SDC2: variants seen among roughly 807,000 people sequenced by gnomAD.
SDC2 encodes the protein syndecan-2.
A neutral mutation model predicts 22.2 loss-of-function variants in SDC2; 13 were observed. That is an observed-to-expected ratio of 0.59 (90% confidence interval 0.38 to 0.93). SDC2 has a LOEUF of 0.93. Ranked by LOEUF, SDC2 falls within the 40% of genes least tolerant of loss-of-function variation. SDC2 has a pLI of 0.00. For synonymous variants in SDC2, 94 were observed against 92.8 expected, an observed-to-expected ratio of 1.01 and a Z score of -0.07; for missense variants, 235 against 246.8, an observed-to-expected ratio of 0.95 and a Z score of 0.32.
chr8:96,516,074 A>T (rs1458593844), intron 1 of SDC2, among the ~76,000 whole-genome samples: 2 of 152,158 alleles, frequency 1.3e-5, no homozygotes, highest in Admixed American at 6.5e-5. Context: ...GTTATTTGTT[A>T]AAAATGCACA....
intron 1 of SDC2, among the ~76,000 whole-genome samples, chr8:96,518,883 T>C (rs1813451965): frequency 6.6e-6 from 1 of 152,208 alleles, no homozygotes; most frequent in South Asian, 2.1e-4. Flanking sequence ...AGTCTTCAAG[T>C]GAGACCATTT....
At chr8:96,606,801 G>C (rs1434113433) in intron 3 of SDC2, among the ~76,000 whole-genome samples, 2 of 152,156 alleles carry the variant, frequency 1.3e-5, no homozygotes, top group Non-Finnish European at 2.9e-5. Flanking sequence ...GGTTTAGTGA[G>C]GTAAAAGGTC....
At chr8:96,509,209 C>A (rs1813294073) in intron 1 of SDC2, among the ~76,000 whole-genome samples, 1 of 141,742 alleles carries the variant, frequency 7.1e-6, no homozygotes, top group Admixed American at 7.0e-5. Context: ...ATAGTAGCCA[C>A]CTCATAGAGG....
chr8:96,533,958 G>A (rs369646797), intron 1 of SDC2, among the ~76,000 whole-genome samples: 2 of 152,200 alleles, frequency 1.3e-5, no homozygotes, highest in Admixed American at 6.5e-5. Flanking sequence ...TGCCCCGCGG[G>A]GAGGCAGCTG....
chr8:96,521,015 A>G (rs1232969790), intron 1 of SDC2, among the ~76,000 whole-genome samples: 1 of 152,172 alleles, frequency 6.6e-6, no homozygotes, highest in Admixed American at 6.5e-5. Flanking sequence ...AGACCCTTTC[A>G]TTTTATTGAT....
At chr8:96,596,311 G>T (rs185572922) in intron 2 of SDC2, among the ~76,000 whole-genome samples, 67 of 152,308 alleles carry the variant, frequency 4.4e-4, no homozygotes, top group Admixed American at 2.2e-3. Context: ...ACACCCCAGG[G>T]TTTGGCCAGT....
chr8:96,573,944 CCT>C (rs1389456567), intron 1 of SDC2, among the ~76,000 whole-genome samples: 1 of 151,898 alleles, frequency 6.6e-6, no homozygotes, highest in Non-Finnish European at 1.5e-5. Context: ...AACTAAAACT[CCT>C]CTCTTTTCTC....
chr8:96,549,281 A>G (rs1813987080), intron 1 of SDC2, among the ~76,000 whole-genome samples: 1 of 152,224 alleles, frequency 6.6e-6, no homozygotes, highest in Non-Finnish European at 1.5e-5. Flanking sequence ...GATAAAATAA[A>G]CTAATAAAAT....
intron 1 of SDC2, among the ~76,000 whole-genome samples, chr8:96,577,254 A>T (rs550667190): frequency 6.6e-6 from 1 of 152,320 alleles, no homozygotes; most frequent in South Asian, 2.1e-4. Flanking sequence ...TACCAGAGAG[A>T]TGAGGCAGCT....
At position 96,576,379 on chromosome 8, in the gene SDC2, G is replaced by GTTT. The variant is rs1365620450; in HGVS notation, c.61-17099_61-17097dup. ...ATAATTGGTAGTTTGTTTTTGTTTT[G>GTTT]TTTTGTTTTTTTTTACCAGATTTGC... On this transcript the variant is annotated intron_variant, in intron 1 of 4. Coordinates refer to ENST00000302190, the MANE Select transcript of SDC2 (RefSeq NM_002998.4). 3.2e-4 allele frequency among the ~76,000 whole-genome samples: 15 copies of GTTT among 47,574 alleles called. 2 individuals carry two copies. Among genetic ancestry groups the GTTT allele is most frequent in the South Asian group, 1.9e-3 (2 of 1,048 alleles). The allele number at this position is 47,574 out of a possible 152,430, so 31.2% of individuals were successfully genotyped here.
intron 1 of SDC2, among the ~76,000 whole-genome samples, chr8:96,586,991 C>T (rs1332777901): frequency 2.6e-5 from 4 of 152,156 alleles, no homozygotes; most frequent in Non-Finnish European, 4.4e-5. Context: ...GGCGCAATCT[C>T]GGCTCACTGC....
chr8:96,571,681 A>G (rs1162799044), intron 1 of SDC2, among the ~76,000 whole-genome samples: 1 of 152,222 alleles, frequency 6.6e-6, no homozygotes, highest in African/African-American at 2.4e-5. Context: ...GCTGGCTTAC[A>G]TACCACTTTG....
At chr8:96,577,035 T>C (rs1162423518) in intron 1 of SDC2, among the ~76,000 whole-genome samples, 1 of 152,230 alleles carries the variant, frequency 6.6e-6, no homozygotes, top group Non-Finnish European at 1.5e-5. Context: ...TATTTAATAC[T>C]TGTACACAAA....
intron 1 of SDC2, among the ~76,000 whole-genome samples, chr8:96,576,023 C>G (rs1356764646): frequency 1.3e-5 from 2 of 152,170 alleles, no homozygotes; most frequent in Non-Finnish European, 2.9e-5. Context: ...GCTTATCTGT[C>G]AAGTTCATAG....
At chr8:96,507,803 A>C (rs1013325240) in intron 1 of SDC2, among the ~76,000 whole-genome samples, 3 of 152,218 alleles carry the variant, frequency 2.0e-5, no homozygotes, top group African/African-American at 7.2e-5. Flanking sequence ...CCCAGGTAGA[A>C]GTGCTTTTTT....
Position 96,509,272 on chromosome 8 carries a change from C to T in SDC2, c.60+14941C>T, listed in dbSNP as rs756975093. Among the ~76,000 whole-genome samples the T allele has an allele frequency of 5.6e-5, 8 of 141,872 alleles. 2 individuals carry two copies. The highest frequency in any genetic ancestry group is 3.6e-3 in the Middle Eastern group (1 of 278). 93.1% of individuals were successfully genotyped at this position (141,872 alleles called of 152,430 possible). A position where few individuals can be genotyped will look rare whatever the true frequency, so the allele number is the denominator to read the frequency against. Reference sequence around the variant, plus strand: ...TGGGTGTCAAGCAGTAATAAGAGTGCGCAGGATAGAGCCTGCGCTAGACTC... The same window carrying T: ...TGGGTGTCAAGCAGTAATAAGAGTGTGCAGGATAGAGCCTGCGCTAGACTC... On this transcript the variant is annotated intron_variant, in intron 1 of 4. Transcript: ENST00000302190.
At chr8:96,494,539 G>C (rs952063116) in intron 1 of SDC2, among the ~76,000 whole-genome samples, 1 of 152,208 alleles carries the variant, frequency 6.6e-6, no homozygotes, top group African/African-American at 2.4e-5. Context: ...TTACCCCGCG[G>C]TCCGCGGGAA....
chr8:96,494,308 G>T lies in SDC2; in HGVS notation c.37G>T (p.Val13Leu). The T allele has an allele frequency of 1.3e-6, 2 of 1,545,880 alleles. No individual in the cohort carries two copies. The highest frequency in any genetic ancestry group is 1.7e-6 in the Non-Finnish European group (2 of 1,149,542). ...RAWILLTLGLVACVSAESRAE... is the reference protein window; with the variant it reads ...RAWILLTLGLLACVSAESRAE... Reference sequence around the variant, plus strand: ...GTGGATCCTGCTCACCTTGGGCTTGGTGGCCTGCGTGTCGGCGGAGTCGGT... The same window carrying T: ...GTGGATCCTGCTCACCTTGGGCTTGTTGGCCTGCGTGTCGGCGGAGTCGGT... The change falls in exon 1 of 5, where the codon GTG (valine) becomes TTG (leucine). Residue 13 changes from valine to leucine, a missense_variant. By Grantham distance (32) the Val-to-Leu change is conservative. Coordinates refer to ENST00000302190, the MANE Select transcript of SDC2 (RefSeq NM_002998.4).
chr8:96,534,793 C>T (rs1813725762), intron 1 of SDC2, among the ~76,000 whole-genome samples: 1 of 151,968 alleles, frequency 6.6e-6, no homozygotes, highest in Non-Finnish European at 1.5e-5. Flanking sequence ...CCCTTCTCCC[C>T]CAGGAATATT....
Sources: allele counts gnomAD v4.1 joint callset (sites outside exome capture counted in the v4.1 genomes callset), GRCh38; gene constraint gnomAD v4.1.1; transcripts MANE v1.5; gene names NCBI Gene and HGNC (gene_info 2026-07-23, HGNC 2026-07-21).